Variants in CARM1 observed in about 807,000 individuals in gnomAD.
The protein encoded by CARM1 is histone-arginine methyltransferase CARM1.
Under a neutral mutation model 72.7 loss-of-function variants are expected in CARM1, and 14 were observed. That is an observed-to-expected ratio of 0.19 (90% CI 0.13 to 0.30). The LOEUF is 0.30. Ranked by LOEUF, CARM1 falls within the 10% of genes least tolerant of loss-of-function variation. The probability of loss-of-function intolerance (pLI) is 1.00; values close to 1 mark genes in which losing one functional copy is unlikely to be tolerated. For synonymous variants in CARM1, 333 were observed against 345.5 expected (o/e 0.96, Z 0.40); for missense variants, 432 against 833.7 (o/e 0.52, Z 5.93).
Position 10,880,513 on chromosome 19 carries a change from AT to A in CARM1, c.220+8612del, listed in dbSNP as rs34015668. 0.028 allele frequency among the ~76,000 whole-genome samples: 3,816 copies of A among 136,232 alleles called. 169 individuals are homozygous for A. The East Asian group carries it at 0.29, about 10-fold the overall frequency. The allele number at this position is 136,232 out of a possible 152,430, so 89.4% of individuals were successfully genotyped here. ...AGGCGCACATCACCATGCCTGGCTA[AT>A]TTTTTTTTTTTTTTTTTTTTGTAGA... On this transcript the variant is annotated intron_variant, in intron 1 of 15. Coordinates refer to ENST00000327064, the MANE Select transcript of CARM1 (RefSeq NM_199141.2).
At chr19:10,874,239 C>A (rs765474780) in intron 1 of CARM1, among the ~76,000 whole-genome samples, 16 of 151,974 alleles carry the variant, frequency 1.1e-4, no homozygotes, top group Non-Finnish European at 5.9e-5. Context: ...GTGTGAGCCA[C>A]CCCACCTGAC....
At position 10,922,379 on chromosome 19, in the gene CARM1, T is replaced by C. The variant is rs2074269794; in HGVS notation, c.*622T>C. On this transcript the variant is annotated 3_prime_UTR_variant, in exon 16 of 16. Coordinates refer to ENST00000327064, the MANE Select transcript of CARM1 (RefSeq NM_199141.2). ...CCAAAGGGTTCACCTCACACTTGAATGTACAACCCACCCCACTGTCGGGAA... is the reference window on the plus strand; with the variant it reads ...CCAAAGGGTTCACCTCACACTTGAACGTACAACCCACCCCACTGTCGGGAA... 1 of 152,542 alleles carries C rather than the reference T, an allele frequency of 6.6e-6. No homozygotes were observed. The highest frequency in any genetic ancestry group is 2.4e-5 in the African/African-American group (1 of 41,418). The allele number at this position is 152,542 out of a possible 1,614,324, so 9.4% of individuals were successfully genotyped here.
intron 1 of CARM1, among the ~76,000 whole-genome samples, chr19:10,882,106 A>C: frequency 6.6e-6 from 1 of 152,174 alleles, no homozygotes; most frequent in East Asian, 1.9e-4. Flanking sequence ...TTTGTGCCTC[A>C]GTTTCCTTGG....
intron 1 of CARM1, among the ~76,000 whole-genome samples, chr19:10,884,550 G>GC (rs1223121360): frequency 2.0e-5 from 3 of 151,216 alleles, no homozygotes; most frequent in South Asian, 2.1e-4. Flanking sequence ...GTCCCCAGTT[G>GC]CCCCCCCTCC....
Position 10,916,811 on chromosome 19 carries a change from T to A in CARM1, c.1020+34T>A. The A allele has an allele frequency of 6.9e-7, 1 of 1,449,202 alleles. No homozygotes were observed. The highest frequency in any genetic ancestry group is 9.5e-7 in the Non-Finnish European group (1 of 1,056,232). 89.8% of individuals were successfully genotyped at this position (1,449,202 alleles called of 1,614,324 possible). A position where few individuals can be genotyped will look rare whatever the true frequency, so the allele number is the denominator to read the frequency against. ...GGCCTCCAGGGTACTGCTGCAGTGA[T>A]CACTTGCCATTGCTGTGCAGCTGTG... is the stretch of plus-strand genomic sequence containing the variant. On this transcript the variant is annotated intron_variant, in intron 8 of 15. Coordinates refer to ENST00000327064, the MANE Select transcript of CARM1 (RefSeq NM_199141.2). This position sits in a 1 kb window ranked among gnomAD's most constrained non-coding sequence, Gnocchi z 4.4.
rs531632151 is a variant in CARM1, at chr19:10,906,583, G to A, written c.347-1456G>A. ...GTTCAAGCGATTCTCCTGCCTCAGC[G>A]CCCTGAGTAGCCGGGATTACAGGCA... On this transcript the variant is annotated intron_variant, in intron 2 of 15. Coordinates refer to ENST00000327064, the MANE Select transcript of CARM1 (RefSeq NM_199141.2). Among the ~76,000 whole-genome samples the A allele has an allele frequency of 3.1e-4, 47 of 152,004 alleles. No individual in the cohort carries two copies. The South Asian group carries it at 5.6e-3, about 18-fold the overall frequency.
chr19:10,908,191 C>A, intron 3 of CARM1, 46 bp downstream of exon 3: 1 of 1,288,746 alleles, frequency 7.8e-7, no homozygotes, highest in South Asian at 1.2e-5. Context: ...CCCGGCAGCC[C>A]CCCTGCCACT....
At chr19:10,880,621 G>A (rs2073895481) in intron 1 of CARM1, among the ~76,000 whole-genome samples, 2 of 151,450 alleles carry the variant, frequency 1.3e-5, no homozygotes, top group Admixed American at 1.3e-4. Context: ...CCAAAGTGCT[G>A]GGATTACAGG....
chr19:10,872,414 G>C (rs2073826132), intron 1 of CARM1, among the ~76,000 whole-genome samples: 1 of 152,132 alleles, frequency 6.6e-6, no homozygotes, highest in African/African-American at 2.4e-5. Flanking sequence ...GTGTTTGCTG[G>C]TCTGGGGCGC....
At chr19:10,921,572 GGCGGGCCAGGGCA>G in intron 15 of CARM1, 30 bp from the exon 16 acceptor site, 1 of 1,583,908 alleles carries the variant, frequency 6.3e-7, no homozygotes, top group Non-Finnish European at 8.6e-7. Context: ...CTGGGGGCTG[GGCGGGCCAGGGCA>G]GCCCCTCACT....
intron 1 of CARM1, among the ~76,000 whole-genome samples, chr19:10,872,616 ATCT>A (rs1296807283): frequency 6.6e-6 from 1 of 151,974 alleles, no homozygotes; most frequent in Admixed American, 6.6e-5. Flanking sequence ...GCCTCCTCCC[ATCT>A]TCTTTTGGGG....
At chr19:10,875,965 C>T (rs1169380636) in intron 1 of CARM1, among the ~76,000 whole-genome samples, 2 of 150,886 alleles carry the variant, frequency 1.3e-5, no homozygotes, top group Admixed American at 6.6e-5. Context: ...CTCCCGGGTT[C>T]GAGCGATTCG....
chr19:10,907,952 A>T, intron 2 of CARM1, 87 bp from the exon 3 acceptor site: 1 of 790,692 alleles, frequency 1.3e-6, no homozygotes, highest in Non-Finnish European at 2.3e-6. Context: ...AAACGTCAGG[A>T]CATACGGCCA....
rs55667142 is a variant in CARM1 at position 10,920,123 on chromosome 19, G to GGT, written c.1196+176_1196+177dup. On this transcript the variant is annotated intron_variant, in intron 10 of 15. Transcript: ENST00000327064. The surrounding 1 kb of genome is among the most constrained non-coding windows in gnomAD (Gnocchi z 5.3). ...CGGAGCAAGAGACTGTTGTGGGTGG[G>GGT]GTGTGTGTGTGTGTGTGTGTATGTG... Among the ~76,000 whole-genome samples the GGT allele has an allele frequency of 6.7e-5, 10 of 149,934 alleles. No individual in the cohort carries two copies. The highest frequency in any genetic ancestry group is 1.2e-4 in the African/African-American group (5 of 40,768).
At chr19:10,875,714 G>C (rs940826567) in intron 1 of CARM1, among the ~76,000 whole-genome samples, 5 of 151,406 alleles carry the variant, frequency 3.3e-5, no homozygotes, top group Non-Finnish European at 7.4e-5. Context: ...TTGAGCCACC[G>C]TGCCCGGCCC....
chr19:10,885,901 T>C (rs1178459453), intron 1 of CARM1, among the ~76,000 whole-genome samples: 2 of 149,272 alleles, frequency 1.3e-5, no homozygotes, highest in Admixed American at 6.6e-5. Context: ...TTTTTTTTTT[T>C]TTTTTTTTTT....
At position 10,871,686 on chromosome 19, in the gene CARM1, C is replaced by T; in HGVS notation, c.-17C>T. Reference sequence around the variant, plus strand: ...GGCGCAGCGGCGGCGGCGGCGGGGCCTGGAGCCGGATCTAAGATGGCAGCG... The same window carrying T: ...GGCGCAGCGGCGGCGGCGGCGGGGCTTGGAGCCGGATCTAAGATGGCAGCG... On this transcript the variant is annotated 5_prime_UTR_variant, in exon 1 of 16. Transcript: ENST00000327064. The surrounding 1 kb of genome is among the most constrained non-coding windows in gnomAD (Gnocchi z 5.6). The T allele has an allele frequency of 5.4e-6, 4 of 746,932 alleles. No individual in the cohort carries two copies. Among genetic ancestry groups the T allele is most frequent in the Non-Finnish European group, 3.2e-6 (2 of 615,470 alleles). 46.3% of individuals were successfully genotyped at this position (746,932 alleles called of 1,614,324 possible).
At chr19:10,913,715 C>T (rs748531319) in intron 5 of CARM1, among the ~76,000 whole-genome samples, 162 bp from the exon 6 acceptor site, 3 of 152,180 alleles carry the variant, frequency 2.0e-5, no homozygotes, top group Non-Finnish European at 4.4e-5. Context: ...GAGCTCTTAA[C>T]AGGCTATGGC....
chr19:10,909,713 G>A (rs1354350174), intron 4 of CARM1, among the ~76,000 whole-genome samples: 1 of 151,818 alleles, frequency 6.6e-6, no homozygotes, highest in South Asian at 2.1e-4. Context: ...CTGCAGCCTG[G>A]GCAACAGAGT....
Sources: allele counts gnomAD v4.1 joint callset (sites outside exome capture counted in the v4.1 genomes callset), GRCh38; gene constraint gnomAD v4.1.1; non-coding constraint Gnocchi (gnomAD v3.1); transcripts MANE v1.5; gene names NCBI Gene and HGNC (gene_info 2026-07-23, HGNC 2026-07-21).